THSD4: variants seen among roughly 807,000 people sequenced by gnomAD.
THSD4 encodes the protein thrombospondin type-1 domain-containing protein 4.
Under a neutral mutation model 119.0 loss-of-function variants are expected in THSD4, and 69 were observed. The ratio of observed to expected loss-of-function variants is 0.58; its 90% CI spans 0.48 to 0.71. The LOEUF (loss-of-function observed/expected upper bound fraction) is 0.71, where lower values mean the gene tolerates loss of function less well. Among genes scored for constraint, THSD4 ranks in the 30% least tolerant of loss-of-function variants. The probability of loss-of-function intolerance (pLI) is 0.00; values close to 1 mark genes in which losing one functional copy is unlikely to be tolerated. For missense variants in THSD4, 1,393 were observed against 1,391.1 expected, an observed-to-expected ratio of 1.00 and a Z score of -0.02; for synonymous variants, 524 against 540.4, an observed-to-expected ratio of 0.97 and a Z score of 0.42.
In THSD4 at chr15:71,586,961, T is replaced by C. The variant is rs531923315; in HGVS notation, c.1153-73569T>C. On this transcript the variant is annotated intron_variant, in intron 7 of 17. Coordinates refer to ENST00000261862, the MANE Select transcript of THSD4 (RefSeq NM_024817.3). ...AGGAATAAGCCCATCTCTGACCCTT[T>C]ACAGTTTTCAAAGCACTTTTATAGC... Among the ~76,000 whole-genome samples, 39 of 152,330 alleles carry C rather than the reference T, an allele frequency of 2.6e-4. No individual in the cohort carries two copies. In the South Asian group the frequency reaches 8.1e-3, roughly 32 times the overall value.
In THSD4 at chr15:71,516,122, A is replaced by AG. The variant is rs1260511646; in HGVS notation, c.1152+104300dup. ...AGTAATGGTTAGCATTTCTAAATAA[A>AG]GTATCTGCTCTCCACTGAAATGGGG... is the stretch of plus-strand genomic sequence containing the variant. On this transcript the variant is annotated intron_variant, in intron 7 of 17. Transcript: ENST00000261862. Among the ~76,000 whole-genome samples the AG allele has an allele frequency of 2.0e-5, 3 of 152,358 alleles. No homozygotes were observed. In the East Asian group the frequency reaches 5.8e-4, roughly 29 times the overall value.
At chr15:71,368,627 C>G (rs1233564553) in intron 6 of THSD4, among the ~76,000 whole-genome samples, 1 of 152,192 alleles carries the variant, frequency 6.6e-6, no homozygotes, top group African/African-American at 2.4e-5. Flanking sequence ...GGGCTGTGTT[C>G]TGTTCCATTG....
intron 6 of THSD4, among the ~76,000 whole-genome samples, chr15:71,371,125 T>G (rs560879299): frequency 2.1e-4 from 32 of 152,332 alleles, no homozygotes; most frequent in African/African-American, 7.2e-4. Context: ...GTTTTCCATT[T>G]GCTTGGTAGA....
upstream of THSD4, among the ~76,000 whole-genome samples, chr15:71,112,643 CCTAGGTAAGCACAGG>C (rs1290993404): frequency 3.9e-5 from 6 of 152,158 alleles, no homozygotes; most frequent in African/African-American, 9.7e-5. Flanking sequence ...AGGCCCCCAG[CCTAGGTAAGCACAGG>C]CTAGCCTTTG....
intron 7 of THSD4, among the ~76,000 whole-genome samples, chr15:71,533,141 G>A (rs973217109): frequency 1.3e-5 from 2 of 152,190 alleles, no homozygotes; most frequent in Non-Finnish European, 2.9e-5. Context: ...GGTTGAGCTG[G>A]GTTGCCCGTG....
chr15:71,621,193 A>G (rs1184469818), intron 7 of THSD4, among the ~76,000 whole-genome samples: 1 of 152,246 alleles, frequency 6.6e-6, no homozygotes, highest in Non-Finnish European at 1.5e-5. Flanking sequence ...GTGAAATACA[A>G]TATATAATTA....
chr15:71,273,060 T>C (rs1284860685), intron 6 of THSD4, among the ~76,000 whole-genome samples: 3 of 152,160 alleles, frequency 2.0e-5, no homozygotes, highest in African/African-American at 7.2e-5. Context: ...GCCACAGGAA[T>C]GTAAAGCAGT....
At chr15:71,245,919 C>CT (rs1386128065) in intron 5 of THSD4, among the ~76,000 whole-genome samples, 1 of 152,068 alleles carries the variant, frequency 6.6e-6, no homozygotes, top group Non-Finnish European at 1.5e-5. Context: ...AGCTATGTTG[C>CT]TTTTTTTATA....
intron 4 of THSD4, among the ~76,000 whole-genome samples, chr15:71,225,860 T>TG (rs1350279150): frequency 6.6e-6 from 1 of 152,152 alleles, no homozygotes; most frequent in Admixed American, 6.5e-5. Flanking sequence ...TTTCCAAACA[T>TG]GCTTCTGGAA....
At chr15:71,356,035 T>C (rs1479115113) in intron 6 of THSD4, among the ~76,000 whole-genome samples, 1 of 151,912 alleles carries the variant, frequency 6.6e-6, no homozygotes, top group Non-Finnish European at 1.5e-5. Context: ...ACCTGGCTAA[T>C]TTTTGTATTT....
At chr15:71,174,931 T>C (rs1237111783) in intron 3 of THSD4, among the ~76,000 whole-genome samples, 6 of 151,374 alleles carry the variant, frequency 4.0e-5, no homozygotes, top group Non-Finnish European at 7.4e-5. Flanking sequence ...AGGGTCCTGT[T>C]TGTTAGAAGG....
At chr15:71,227,209 T>A (rs533963591) in intron 4 of THSD4, among the ~76,000 whole-genome samples, 1 of 152,220 alleles carries the variant, frequency 6.6e-6, no homozygotes, top group East Asian at 1.9e-4. Context: ...TTGCGGTATT[T>A]CATTAAGTGT....
chr15:71,163,443 T>C (rs985257519), intron 3 of THSD4, among the ~76,000 whole-genome samples: 1 of 152,100 alleles, frequency 6.6e-6, no homozygotes, highest in African/African-American at 2.4e-5. Flanking sequence ...ATACTGGCAC[T>C]TTAAGAAAAC....
intron 10 of THSD4, among the ~76,000 whole-genome samples, chr15:71,734,759 G>A (rs1008501867): frequency 1.3e-5 from 2 of 149,686 alleles, no homozygotes; most frequent in African/African-American, 2.5e-5. Context: ...AGGTGTGTGG[G>A]AACTCTGTAC....
At chr15:71,142,785 C>T (rs191615428) in intron 2 of THSD4, among the ~76,000 whole-genome samples, 3 of 152,314 alleles carry the variant, frequency 2.0e-5, no homozygotes, top group East Asian at 3.9e-4. Flanking sequence ...GAAGGAAGAA[C>T]GTTTTGTTTC....
intron 1 of THSD4, among the ~76,000 whole-genome samples, chr15:71,102,392 G>A (rs929471009): frequency 1.4e-4 from 22 of 151,910 alleles, no homozygotes; most frequent in African/African-American, 4.4e-4. Context: ...TTTCCCACAG[G>A]CCCCTAAGGT....
At chr15:71,288,281 C>G (rs2044745477) in intron 6 of THSD4, among the ~76,000 whole-genome samples, 1 of 152,140 alleles carries the variant, frequency 6.6e-6, no homozygotes, top group Admixed American at 6.5e-5. Context: ...TGAAAGAAAG[C>G]ATCCTGACAG....
chr15:71,247,810 C>T (rs2044219006), intron 5 of THSD4, among the ~76,000 whole-genome samples: 1 of 152,166 alleles, frequency 6.6e-6, no homozygotes, highest in Admixed American at 6.5e-5. Flanking sequence ...GTAATAGGAA[C>T]TCAAGGAATA....
intron 3 of THSD4, among the ~76,000 whole-genome samples, chr15:71,155,454 G>T (rs2040767618): frequency 6.6e-6 from 1 of 152,158 alleles, no homozygotes. Context: ...CATGAGATTT[G>T]GGTGGGGACA....
Sources: allele counts gnomAD v4.1 joint callset (sites outside exome capture counted in the v4.1 genomes callset), GRCh38; gene constraint gnomAD v4.1.1; transcripts MANE v1.5; gene names NCBI Gene and HGNC (gene_info 2026-07-23, HGNC 2026-07-21).